ENKUR: variants seen among roughly 807,000 people sequenced by gnomAD.
ENKUR encodes enkurin.
A neutral mutation model predicts 27.6 loss-of-function variants in ENKUR; 19 were observed. The ratio of observed to expected loss-of-function variants is 0.69; its 90% CI spans 0.48 to 1.01. The LOEUF (loss-of-function observed/expected upper bound fraction) is 1.01. Ranked by LOEUF, ENKUR falls within the 50% of genes least tolerant of loss-of-function variation. The pLI is 0.00. For missense variants in ENKUR, 312 were observed against 310.5 expected (o/e 1.00, Z -0.04); for synonymous variants, 117 against 96.9 (o/e 1.21, Z -1.22).
At chr10:25,010,932 T>A (rs1170329887) in intron 1 of ENKUR, among the ~76,000 whole-genome samples, 1 of 151,836 alleles carries the variant, frequency 6.6e-6, no homozygotes, top group Non-Finnish European at 1.5e-5. Context: ...TATAGCAGCA[T>A]GATTTATGGT....
At chr10:25,059,215 C>A (rs1031528431) in intron 2 of ENKUR, among the ~76,000 whole-genome samples, 1 of 150,686 alleles carries the variant, frequency 6.6e-6, no homozygotes, top group Non-Finnish European at 1.5e-5. Flanking sequence ...TCACTGCAAC[C>A]TCTGCCTCCC....
intron 2 of ENKUR, among the ~76,000 whole-genome samples, chr10:25,043,582 T>A (rs1388536906): frequency 1.3e-5 from 2 of 152,168 alleles, no homozygotes; most frequent in African/African-American, 4.8e-5. Context: ...TTTTAAAGTG[T>A]ATCCTGATTT....
chr10:25,013,763 T>C (rs1206132295), intron 1 of ENKUR, among the ~76,000 whole-genome samples: 1 of 152,082 alleles, frequency 6.6e-6, no homozygotes, highest in Non-Finnish European at 1.5e-5. Flanking sequence ...GCCACCATGG[T>C]GAAACCCCAT....
chr10:25,048,452 C>T (rs751487147), intron 2 of ENKUR, among the ~76,000 whole-genome samples: 4 of 151,872 alleles, frequency 2.6e-5, no homozygotes, highest in Non-Finnish European at 4.4e-5. Flanking sequence ...GAAAGCAAAG[C>T]CAAGTTCTGA....
chr10:25,051,526 T>C (rs1288499172), intron 2 of ENKUR, among the ~76,000 whole-genome samples: 1 of 152,174 alleles, frequency 6.6e-6, no homozygotes, highest in Non-Finnish European at 1.5e-5. Flanking sequence ...AGCAGGCATG[T>C]CACTGTGAAG....
At chr10:25,012,348 C>T (rs1302176432) in intron 1 of ENKUR, among the ~76,000 whole-genome samples, 1 of 152,196 alleles carries the variant, frequency 6.6e-6, no homozygotes, top group Non-Finnish European at 1.5e-5. Context: ...AGAAGAGGGC[C>T]ACTGTTCTCC....
At chr10:25,025,197 C>G (rs936250765) in intron 2 of ENKUR, 1 of 1,614,142 alleles carries the variant, frequency 6.2e-7, no homozygotes, top group Admixed American at 1.7e-5. Flanking sequence ...ACAAAACTTG[C>G]CCTGTGATTA....
chr10:25,024,150 G>A (rs756112521), intron 2 of ENKUR: 1 of 1,614,172 alleles, frequency 6.2e-7, no homozygotes, highest in Non-Finnish European at 8.5e-7. Flanking sequence ...CTGCTGCCAG[G>A]TTGGGAGAAA....
intron 2 of ENKUR, among the ~76,000 whole-genome samples, chr10:24,996,232 C>T (rs1850051061): frequency 6.6e-6 from 1 of 152,136 alleles, no homozygotes; most frequent in South Asian, 2.1e-4. Flanking sequence ...AGACCAGTCT[C>T]GGCAACACAG....
upstream of ENKUR, chr10:25,016,519 G>A (rs41279886): frequency 0.029 from 4,407 of 152,862 alleles, 145 homozygotes; most frequent in African/African-American, 0.079. Context: ...GGAGACGAGG[G>A]AGGGGAGGAG....
intron 2 of ENKUR, among the ~76,000 whole-genome samples, chr10:25,028,199 G>C (rs774188069): frequency 1.8e-4 from 28 of 152,304 alleles, no homozygotes; most frequent in Non-Finnish European, 3.4e-4. Flanking sequence ...TTTGTGGACA[G>C]CACATTTTCT....
intron 3 of ENKUR, among the ~76,000 whole-genome samples, chr10:24,994,827 C>G (rs1199684911): frequency 1.3e-5 from 2 of 151,830 alleles, no homozygotes; most frequent in Admixed American, 1.3e-4. Context: ...TCAAGACCAG[C>G]CTGGCCAACA....
intron 4 of ENKUR, among the ~76,000 whole-genome samples, chr10:24,987,012 C>A (rs1421675088): frequency 1.3e-5 from 2 of 152,180 alleles, no homozygotes; most frequent in South Asian, 4.1e-4. Flanking sequence ...CCCTCGCCCA[C>A]CCCCAAACAT....
intron 4 of ENKUR, among the ~76,000 whole-genome samples, chr10:24,986,023 G>T (rs1165277220): frequency 6.6e-6 from 1 of 152,116 alleles, no homozygotes; most frequent in African/African-American, 2.4e-5. Flanking sequence ...AGCGATGATT[G>T]CGCCACTGCA....
intron 2 of ENKUR, among the ~76,000 whole-genome samples, chr10:25,058,999 T>C (rs1588688260): frequency 6.6e-6 from 1 of 151,476 alleles, no homozygotes; most frequent in African/African-American, 2.4e-5. Context: ...AACCCATTCC[T>C]CCAAGAAGCA....
Position 24,990,466 on chromosome 10 carries a change from C to T in ENKUR, c.591G>A (p.Leu197=). ...RLSDEEREAV[L]QGLKKNWEEV... Reference sequence around the variant, plus strand: ...ATGTAAATGGCAGAACACACACCTGCAAAACTGCCTCCCTTTCTTCATCGG... The same window carrying T: ...ATGTAAATGGCAGAACACACACCTGTAAAACTGCCTCCCTTTCTTCATCGG... Residue 197 remains leucine (L), a synonymous_variant, in exon 4 of 6, where the codon TTG becomes TTA. Coordinates refer to ENST00000331161, the MANE Select transcript of ENKUR (RefSeq NM_145010.4). The T allele has an allele frequency of 6.2e-7, 1 of 1,611,238 alleles. No homozygotes were observed. Among genetic ancestry groups the T allele is most frequent in the East Asian group, 2.2e-5 (1 of 44,860 alleles).
chr10:25,029,321 G>A (rs891362634), intron 2 of ENKUR, among the ~76,000 whole-genome samples: 45 of 151,954 alleles, frequency 3.0e-4, no homozygotes, highest in African/African-American at 1.1e-3. Context: ...CTAAATGTAG[G>A]GAATTTGTAA....
intron 1 of ENKUR, among the ~76,000 whole-genome samples, chr10:25,007,862 C>T (rs1850351285): frequency 6.6e-6 from 1 of 151,876 alleles, no homozygotes; most frequent in Admixed American, 6.6e-5. Context: ...CACCCATATG[C>T]CTGAAGGGAA....
intron 1 of ENKUR, among the ~76,000 whole-genome samples, chr10:25,061,691 A>G (rs1851330221): frequency 6.6e-6 from 1 of 152,022 alleles, no homozygotes; most frequent in South Asian, 2.1e-4. Context: ...TCCAACCTAC[A>G]AGCTGCCCTT....
Sources: gnomAD v4.1 joint callset for allele counts (sites outside exome capture counted in the v4.1 genomes callset) on GRCh38, gnomAD v4.1.1 for gene constraint, MANE v1.5 for transcripts, NCBI Gene and HGNC (gene_info 2026-07-23, HGNC 2026-07-21) for gene names.